SLC1A2: variants seen among roughly 807,000 people sequenced by gnomAD.
SLC1A2 encodes solute carrier family 1 member 2.
Under a neutral mutation model 48.8 loss-of-function variants are expected in SLC1A2, and 15 were observed. The observed-to-expected ratio is 0.31, with a 90% CI of 0.21 to 0.47. SLC1A2 has a LOEUF of 0.47. Ranked by LOEUF, SLC1A2 falls within the 20% of genes least tolerant of loss-of-function variation. The probability of loss-of-function intolerance (pLI) is 0.99; values close to 1 mark genes in which losing one functional copy is unlikely to be tolerated. For synonymous variants in SLC1A2, 279 were observed against 272.6 expected (o/e 1.02, Z -0.23); for missense variants, 502 against 730.5 (o/e 0.69, Z 3.61).
At chr11:35,362,453 A>T (rs1045285777) in intron 1 of SLC1A2, among the ~76,000 whole-genome samples, 1 of 152,236 alleles carries the variant, frequency 6.6e-6, no homozygotes, top group Admixed American at 6.5e-5. Context: ...CTGAGATTCC[A>T]ATCCTACTTT....
intron 1 of SLC1A2, among the ~76,000 whole-genome samples, chr11:35,356,931 C>A (rs1853492690): frequency 6.6e-6 from 1 of 152,044 alleles, no homozygotes; most frequent in Non-Finnish European, 1.5e-5. Flanking sequence ...AGCATTGTAT[C>A]TCTTATTATA....
chr11:35,395,962 T>G (rs1433004301), intron 1 of SLC1A2, among the ~76,000 whole-genome samples: 1 of 149,566 alleles, frequency 6.7e-6, no homozygotes, highest in African/African-American at 2.5e-5. Context: ...TTACTGAGAA[T>G]GATGATTTCC....
intron 3 of SLC1A2, among the ~76,000 whole-genome samples, chr11:35,314,279 G>A (rs1005467005): frequency 6.6e-6 from 1 of 152,094 alleles, no homozygotes; most frequent in Non-Finnish European, 1.5e-5. Context: ...AACTCAGAGG[G>A]CTTTCATACC....
At chr11:35,415,784 T>C (rs1855586102) in intron 1 of SLC1A2, among the ~76,000 whole-genome samples, 2 of 152,110 alleles carry the variant, frequency 1.3e-5, no homozygotes, top group Admixed American at 1.3e-4. Flanking sequence ...TGGGAGCTGA[T>C]CAGAAGACAG....
At chr11:35,283,917 A>G (rs893745236) in intron 8 of SLC1A2, among the ~76,000 whole-genome samples, 3 of 151,690 alleles carry the variant, frequency 2.0e-5, no homozygotes, top group African/African-American at 7.3e-5. Flanking sequence ...CAATAATAAT[A>G]ATAGAAGCTA....
intron 1 of SLC1A2, among the ~76,000 whole-genome samples, chr11:35,398,683 AAT>A (rs1443799556): frequency 2.6e-5 from 4 of 152,222 alleles, no homozygotes; most frequent in African/African-American, 9.6e-5. Context: ...GAAAGAAAAA[AAT>A]ATATATGGCC....
rs1018362153 is a variant in SLC1A2, at chr11:35,374,296, C to T, written c.17+44654G>A. The T allele has an allele frequency of 1.4e-5, 14 of 1,036,236 alleles. No individual in the cohort carries two copies. In the Admixed American group the frequency reaches 2.4e-4, roughly 18 times the overall value. 64.2% of individuals were successfully genotyped at this position (1,036,236 alleles called of 1,614,324 possible). A position where few individuals can be genotyped will look rare whatever the true frequency, so the allele number is the denominator to read the frequency against. On this transcript the variant is annotated intron_variant, in intron 1 of 10. Transcript: ENST00000278379. Reference sequence around the variant, plus strand: ...CTCTTAACATTCAGGGATGTGGCCACAGAATTCTCTCCAGAAGAGTGGAAA... The same window carrying T: ...CTCTTAACATTCAGGGATGTGGCCATAGAATTCTCTCCAGAAGAGTGGAAA...
chr11:35,346,557 A>G (rs1853043208), intron 1 of SLC1A2, among the ~76,000 whole-genome samples: 1 of 152,246 alleles, frequency 6.6e-6, no homozygotes, highest in African/African-American at 2.4e-5. Context: ...TGACCTATAA[A>G]CAAGAGTAAC....
chr11:35,282,796 C>G (rs374094539), intron 8 of SLC1A2, among the ~76,000 whole-genome samples: 1 of 152,172 alleles, frequency 6.6e-6, no homozygotes, highest in Admixed American at 6.5e-5. Context: ...TTGTGTGAGA[C>G]AAAGTCTTAG....
intron 1 of SLC1A2, among the ~76,000 whole-genome samples, chr11:35,358,828 G>A (rs1173725526): frequency 3.3e-5 from 5 of 152,106 alleles, no homozygotes; most frequent in Non-Finnish European, 1.5e-5. Flanking sequence ...AAAAGAAAGA[G>A]TAATTTGAAG....
chr11:35,408,616 C>A (rs1855371393), intron 1 of SLC1A2, among the ~76,000 whole-genome samples: 1 of 152,088 alleles, frequency 6.6e-6, no homozygotes, highest in African/African-American at 2.4e-5. Flanking sequence ...TTCAGGTATG[C>A]CGGGTATATT....
intron 1 of SLC1A2, among the ~76,000 whole-genome samples, chr11:35,335,134 A>T (rs1852580844): frequency 6.6e-6 from 1 of 152,072 alleles, no homozygotes; most frequent in Non-Finnish European, 1.5e-5. Flanking sequence ...ATAGCCTTCA[A>T]TTGTCCAAAG....
intron 1 of SLC1A2, among the ~76,000 whole-genome samples, chr11:35,336,342 A>T (rs1852632408): frequency 6.6e-6 from 1 of 152,226 alleles, no homozygotes; most frequent in African/African-American, 2.4e-5. Context: ...AAAATTAAAA[A>T]GAGAAGGAAA....
chr11:35,297,902 G>T (rs1325998151), intron 6 of SLC1A2: 2 of 152,146 alleles, frequency 1.3e-5, no homozygotes, highest in Non-Finnish European at 2.9e-5. Flanking sequence ...AGCAACCTAT[G>T]GCCTGGATTC....
chr11:35,300,263 A>C (rs1287692877), intron 6 of SLC1A2, among the ~76,000 whole-genome samples: 2 of 152,246 alleles, frequency 1.3e-5, no homozygotes, highest in East Asian at 1.9e-4. Flanking sequence ...TAATCATCTT[A>C]GGCAAGTTAA....
chr11:35,417,780 G>T (rs1039792014), intron 1 of SLC1A2, among the ~76,000 whole-genome samples: 3 of 152,220 alleles, frequency 2.0e-5, no homozygotes, highest in Admixed American at 6.5e-5. Context: ...CAGAGAGACA[G>T]TTCTAGAAAT....
chr11:35,346,637 A>C (rs1295067245), intron 1 of SLC1A2, among the ~76,000 whole-genome samples: 2 of 152,244 alleles, frequency 1.3e-5, no homozygotes, highest in African/African-American at 4.8e-5. Flanking sequence ...CCAGGGACTT[A>C]GAGGAGGCAG....
chr11:35,300,358 T>TC (rs912868845), intron 6 of SLC1A2, among the ~76,000 whole-genome samples: 10 of 152,184 alleles, frequency 6.6e-5, no homozygotes, highest in Admixed American at 4.6e-4. Flanking sequence ...AATTCATATG[T>TC]CCCCCAAATT....
rs1950284011 is a variant in SLC1A2 at position 35,254,323 on chromosome 11, G to A, written c.*6571C>T. On this transcript the variant is annotated 3_prime_UTR_variant, in exon 11 of 11. Coordinates refer to ENST00000278379, the MANE Select transcript of SLC1A2 (RefSeq NM_004171.4). ...GAGGTTTTCCAGGAGAAAGAGAAAG[G>A]GAGGGAGTTAAGGTGATTTGTAGAA... The A allele has an allele frequency of 6.4e-6, 1 of 156,228 alleles. No homozygotes were observed. The highest frequency in any genetic ancestry group is 2.4e-5 in the African/African-American group (1 of 41,478). The allele number at this position is 156,228 out of a possible 1,614,324, so 9.7% of individuals were successfully genotyped here.
Sources: allele counts gnomAD v4.1 joint callset (sites outside exome capture counted in the v4.1 genomes callset), GRCh38; gene constraint gnomAD v4.1.1; transcripts MANE v1.5; gene names NCBI Gene and HGNC (gene_info 2026-07-23, HGNC 2026-07-21).